The following PGLYRP3 variants were observed in gnomAD, a reference collection of about 807,000 sequenced individuals.
The protein encoded by PGLYRP3 is peptidoglycan recognition protein 3.
Under a neutral mutation model 36.0 loss-of-function variants are expected in PGLYRP3, and 39 were observed. The ratio of observed to expected loss-of-function variants is 1.08; its 90% CI spans 0.84 to 1.41. The LOEUF (loss-of-function observed/expected upper bound fraction) is 1.41. Among genes scored for constraint, PGLYRP3 ranks in the 40% most tolerant of loss-of-function variants. PGLYRP3 has a pLI of 0.00. For missense variants in PGLYRP3, 407 were observed against 427.9 expected, an observed-to-expected ratio of 0.95 and a Z score of 0.43; for synonymous variants, 204 against 172.8, an observed-to-expected ratio of 1.18 and a Z score of -1.42.
Position 153,302,589 on chromosome 1 carries a change from T to C in PGLYRP3, c.548A>G (p.Lys183Arg), listed in dbSNP as rs1659626226. Residue 183 changes from lysine to arginine, a missense_variant, in exon 6 of 8, where the codon AAA becomes AGA. Coordinates refer to ENST00000683862, the MANE Select transcript of PGLYRP3 (RefSeq NM_052891.3). Reference sequence around the variant, plus strand: ...CTCTCTGGCTTCCCAAGCAGATCGTTTGATGATGTTGGGGCAAACTGTGGT... The same window carrying C: ...CTCTCTGGCTTCCCAAGCAGATCGTCTGATGATGTTGGGGCAAACTGTGGT... ...MPRKVCPNII[K>R]RSAWEARETH... 1 of 1,614,018 alleles carries C rather than the reference T, an allele frequency of 6.2e-7. No homozygotes were observed. Among genetic ancestry groups the C allele is most frequent in the South Asian group, 1.1e-5 (1 of 91,080 alleles).
chr1:153,310,793 C>G, intron 1 of PGLYRP3, 87 bp from the exon 2 acceptor site: 1 of 849,766 alleles, frequency 1.2e-6, no homozygotes, highest in Non-Finnish European at 1.9e-6. Context: ...GTCTGCCTCC[C>G]CTACCATCCT....
intron 2 of PGLYRP3, 85 bp downstream of exon 2, chr1:153,310,526 C>A: frequency 1.4e-6 from 2 of 1,417,026 alleles, no homozygotes; most frequent in Non-Finnish European, 2.0e-6. Flanking sequence ...AGTGAAAGCA[C>A]TCGGATGGGT....
chr1:153,307,069 T>A lies in PGLYRP3; in HGVS notation c.254A>T (p.Tyr85Phe). ...VYTIGWCDVA[Y>F]NFLVGDDGRV... ...AGGGACTTGGCTAGCCTCTTACTTG[T>A]ACGCCACGTCGCACCAGCCTATGGT... Residue 85 changes from tyrosine (Y) to phenylalanine (F), a missense_variant, in exon 3 of 8, where the codon TAC (tyrosine) becomes TTC (phenylalanine). By Grantham distance (22) the Tyr-to-Phe change is conservative (BLOSUM62 3). Transcript: ENST00000683862. 1.9e-6 allele frequency: 3 copies of A among 1,613,580 alleles called. No individual in the cohort carries two copies. The highest frequency in any genetic ancestry group is 2.5e-6 in the Non-Finnish European group (3 of 1,179,766).
intron 2 of PGLYRP3, among the ~76,000 whole-genome samples, chr1:153,307,594 C>T (rs1430467294): frequency 1.3e-5 from 2 of 152,156 alleles, no homozygotes; most frequent in African/African-American, 2.4e-5. Context: ...CAGCCAACCC[C>T]GCCGCCCACC....
At chr1:153,311,964 C>T (rs1257996705) in intron 1 of PGLYRP3, among the ~76,000 whole-genome samples, 1 of 152,190 alleles carries the variant, frequency 6.6e-6, no homozygotes, top group Non-Finnish European at 1.5e-5. Context: ...AATGTTCAGC[C>T]TCCCTCGTTA....
At chr1:153,298,987 T>C in intron 7 of PGLYRP3, 126 bp downstream of exon 7, 2 of 767,134 alleles carry the variant, frequency 2.6e-6, no homozygotes, top group Non-Finnish European at 4.5e-6. Flanking sequence ...AAGAGTCCAC[T>C]TTAAAGCTAA....
chr1:153,307,257 G>A lies in PGLYRP3; in HGVS notation c.66C>T (p.Thr22=). The change falls in exon 3 of 8, where the codon ACC becomes ACT. Residue 22 remains threonine (T), a synonymous_variant. Coordinates refer to ENST00000683862, the MANE Select transcript of PGLYRP3 (RefSeq NM_052891.3). The part of the protein sequence containing the change: ...ILGLQAWDTP[T]IVSRKEWGAR... ...CCCCCCACTCCTTGCGGGAGACGAT[G>A]GTGGGAGTATCTGTAGGGAAGACCA... 6.2e-7 allele frequency: 1 copy of A among 1,600,768 alleles called. No homozygotes were observed. The highest frequency in any genetic ancestry group is 8.5e-7 in the Non-Finnish European group (1 of 1,174,050).
In PGLYRP3 at chr1:153,307,129, T is replaced by C; in HGVS notation, c.194A>G (p.Gln65Arg). 6.2e-7 allele frequency: 1 copy of C among 1,613,438 alleles called. No homozygotes were observed. Residue 65 changes from glutamine to arginine, a missense_variant, in exon 3 of 8, where the codon CAG (glutamine) becomes CGG (arginine). Physicochemically the swap from Gln to Arg is conservative, Grantham distance 43. Transcript: ENST00000683862. ...MQCQQQSVCS[Q>R]MLRGLQSHSV... ...ATGGGACTGCAACCCCCGCAGCATC[T>C]GGCTGCAAACGCTCTGCTGCTGGCA...
rs1336266708 is a variant in PGLYRP3, at chr1:153,297,541, AGGAAG to A, written c.*410_*414del. Among the ~76,000 whole-genome samples, 1 of 93,156 alleles carries A rather than the reference AGGAAG, an allele frequency of 1.1e-5. No homozygotes were observed. The highest frequency in any genetic ancestry group is 2.4e-5 in the Non-Finnish European group (1 of 41,540). 61.1% of individuals were successfully genotyped at this position (93,156 alleles called of 152,430 possible). A position where few individuals can be genotyped will look rare whatever the true frequency, so the allele number is the denominator to read the frequency against. On this transcript the variant is annotated 3_prime_UTR_variant, in exon 8 of 8. Coordinates refer to ENST00000683862, the MANE Select transcript of PGLYRP3 (RefSeq NM_052891.3). ...AAGGAAGGAAGGAAGGAAGGAAGGA[AGGAAG>A]GAAGGAAAGAAAGAAAAAGAAAGAA...
chr1:153,298,404 C>T (rs1433792101), intron 7 of PGLYRP3, among the ~76,000 whole-genome samples: 1 of 152,064 alleles, frequency 6.6e-6, no homozygotes, highest in African/African-American at 2.4e-5. Flanking sequence ...GCCTGTAATC[C>T]CAGCACTTTG....
chr1:153,305,027 ACACCTT>A lies in PGLYRP3; in HGVS notation c.290_295del (p.Glu97_Gly98del). The stretch of plus-strand genomic sequence containing the variant: ...GTGCAAGCCTTGGATGTTCCAGCCA[ACACCTT>A]CATACACCCTGCCATCATCCCCAAC... On this transcript the variant is annotated inframe_deletion, in exon 4 of 8. Coordinates refer to ENST00000683862, the MANE Select transcript of PGLYRP3 (RefSeq NM_052891.3). 1 of 1,613,848 alleles carries A rather than the reference ACACCTT, an allele frequency of 6.2e-7. No homozygotes were observed. Among genetic ancestry groups the A allele is most frequent in the Non-Finnish European group, 8.5e-7 (1 of 1,179,864 alleles).
At chr1:153,300,814 G>T (rs1343650013) in intron 6 of PGLYRP3, among the ~76,000 whole-genome samples, 1 of 152,128 alleles carries the variant, frequency 6.6e-6, no homozygotes, top group Non-Finnish European at 1.5e-5. Context: ...CCCCTAGCCT[G>T]AACCTCTTTG....
chr1:153,300,669 C>T (rs1312344177), intron 6 of PGLYRP3, among the ~76,000 whole-genome samples: 1 of 152,246 alleles, frequency 6.6e-6, no homozygotes, highest in Non-Finnish European at 1.5e-5. Context: ...ACAAGGACAT[C>T]TGGCTGATGA....
chr1:153,312,934 G>A lies in PGLYRP3; in HGVS notation c.-333C>T, dbSNP rs931395460. On this transcript the variant is annotated 5_prime_UTR_variant, in exon 1 of 8. Coordinates refer to ENST00000683862, the MANE Select transcript of PGLYRP3 (RefSeq NM_052891.3). ...AGGCTCCAAGCCAGCTCTGTTTACA[G>A]CACCCAGAGAAACTTAAGTGGGAAC... Among the ~76,000 whole-genome samples the A allele has an allele frequency of 1.3e-5, 2 of 152,210 alleles. No individual in the cohort carries two copies. The highest frequency in any genetic ancestry group is 1.3e-4 in the Admixed American group (2 of 15,288).
At chr1:153,301,297 A>C (rs142537754) in intron 6 of PGLYRP3, among the ~76,000 whole-genome samples, 1 of 152,344 alleles carries the variant, frequency 6.6e-6, no homozygotes, top group East Asian at 1.9e-4. Flanking sequence ...GGCATATAGT[A>C]GCTATCCAAT....
In PGLYRP3 at chr1:153,310,660, C is replaced by T. The variant is rs1327437843; in HGVS notation, c.6G>A (p.Gly2=). ...AGAAGGCAAGAAGCCATGGCAGCGT[C>T]CCCATGTGGTCCCAGGACTCTGACC... M[G]TLPWLLAFFI... is the part of the protein sequence containing the mutation. The change falls in exon 2 of 8, where the codon GGG becomes GGA. Residue 2 remains glycine, a synonymous_variant. Transcript: ENST00000683862. 5.0e-6 allele frequency: 8 copies of T among 1,614,078 alleles called. No homozygotes were observed. In the South Asian group the frequency reaches 8.8e-5, roughly 18 times the overall value.
intron 6 of PGLYRP3, among the ~76,000 whole-genome samples, chr1:153,301,675 C>T (rs1659601367): frequency 6.6e-6 from 1 of 152,240 alleles, no homozygotes; most frequent in Admixed American, 6.5e-5. Flanking sequence ...CCCAGAACAA[C>T]ACATGTGCAA....
chr1:153,306,528 G>T (rs1659741799), intron 3 of PGLYRP3, among the ~76,000 whole-genome samples: 1 of 152,190 alleles, frequency 6.6e-6, no homozygotes, highest in South Asian at 2.1e-4. Flanking sequence ...GGTCTTTCAG[G>T]GTAACAAGTG....
In PGLYRP3 at chr1:153,297,537, AGGAAG is replaced by A. The variant is rs1659460914; in HGVS notation, c.*414_*418del. Reference sequence around the variant, plus strand: ...AAGGAAGGAAGGAAGGAAGGAAGGAAGGAAGGAAGGAAGGAAAGAAAGAAAAAGAA... The same window carrying A: ...AAGGAAGGAAGGAAGGAAGGAAGGAAGAAGGAAGGAAAGAAAGAAAAAGAA... On this transcript the variant is annotated 3_prime_UTR_variant, in exon 8 of 8. Coordinates refer to ENST00000683862, the MANE Select transcript of PGLYRP3 (RefSeq NM_052891.3). 2.2e-5 allele frequency among the ~76,000 whole-genome samples: 2 copies of A among 91,202 alleles called. No individual in the cohort carries two copies. Among genetic ancestry groups the A allele is most frequent in the African/African-American group, 8.9e-5 (2 of 22,396 alleles). 59.8% of individuals were successfully genotyped at this position (91,202 alleles called of 152,430 possible).
Sources: gnomAD v4.1 joint callset for allele counts (sites outside exome capture counted in the v4.1 genomes callset) on GRCh38, gnomAD v4.1.1 for gene constraint, MANE v1.5 for transcripts, NCBI Gene and HGNC (gene_info 2026-07-23, HGNC 2026-07-21) for gene names.